Variants in BIRC6 observed in about 807,000 individuals in gnomAD.
The protein encoded by BIRC6 is baculoviral IAP repeat containing 6, also known as dual E2 ubiquitin-conjugating enzyme/E3 ubiquitin-protein ligase BIRC6.
Under a neutral mutation model 503.3 loss-of-function variants are expected in BIRC6, and 98 were observed. That is an observed-to-expected ratio of 0.19 (90% CI 0.17 to 0.23). The LOEUF is 0.23. BIRC6 is among the 10% of genes least tolerant of loss of function. BIRC6 has a pLI of 1.00. For synonymous variants in BIRC6, 2,240 were observed against 2,078.7 expected (o/e 1.08, Z -2.11); for missense variants, 5,360 against 5,806.0 (o/e 0.92, Z 2.50).
intron 39 of BIRC6, among the ~76,000 whole-genome samples, chr2:32,485,253 C>T (rs1243970046): frequency 6.6e-6 from 1 of 152,166 alleles, no homozygotes; most frequent in Non-Finnish European, 1.5e-5. Context: ...ATCTGTCTAT[C>T]TATTCTGAAT....
At chr2:32,542,334 G>T (rs2057724455) in intron 61 of BIRC6, among the ~76,000 whole-genome samples, 1 of 152,046 alleles carries the variant, frequency 6.6e-6, no homozygotes, top group African/African-American at 2.4e-5. Context: ...GTTTTGCTGT[G>T]CTAGAAAGCA....
intron 65 of BIRC6, among the ~76,000 whole-genome samples, chr2:32,574,134 A>AT (rs1198030796): frequency 1.4e-5 from 2 of 144,072 alleles, no homozygotes; most frequent in South Asian, 2.2e-4. Context: ...ACCCCCACAT[A>AT]TTTGAGAATC....
intron 10 of BIRC6, among the ~76,000 whole-genome samples, chr2:32,424,710 G>A (rs176415): frequency 0.34 from 51,212 of 151,702 alleles, 9,095 homozygotes; most frequent in East Asian, 0.65. Flanking sequence ...ACACTATTTC[G>A]CCATGTTGAC....
At chr2:32,379,178 C>G (rs546001262) in intron 2 of BIRC6, 2 of 152,222 alleles carry the variant, frequency 1.3e-5, no homozygotes, top group East Asian at 3.9e-4. Flanking sequence ...TTTTTCTCAT[C>G]AGAGTATTTG....
At chr2:32,545,898 C>T (rs756696855) in intron 63 of BIRC6, 38 bp downstream of exon 63, 6 of 1,559,952 alleles carry the variant, frequency 3.8e-6, no homozygotes, top group Non-Finnish European at 4.4e-6. Flanking sequence ...ATTAAAAAAA[C>T]TAGATTTAAT....
At chr2:32,395,037 AGCCACTCG>A (rs1181139178) in intron 5 of BIRC6, among the ~76,000 whole-genome samples, 1 of 152,158 alleles carries the variant, frequency 6.6e-6, no homozygotes, top group African/African-American at 2.4e-5. Context: ...CTGTAGTCCC[AGCCACTCG>A]GGAGGCTGAG....
chr2:32,575,314 A>T lies in BIRC6; in HGVS notation c.13303A>T (p.Thr4435Ser), dbSNP rs772991369. 1.7e-5 allele frequency: 28 copies of T among 1,613,838 alleles called. No individual in the cohort carries two copies. The highest frequency in any genetic ancestry group is 1.5e-4 in the Admixed American group (9 of 60,000). The part of the protein sequence containing the change: ...EQSECQTSVG[T>S]LLAKMKTCVD... ...GTCAGAATGTCAAACTTCTGTTGGT[A>T]CATTGTTAGCCAAAATGAAGACCTG... The change falls in exon 66 of 74, where the codon ACA becomes TCA. Residue 4435 changes from threonine (T) to serine (S), a missense_variant. Transcript: ENST00000421745.
chr2:32,417,850 G>A (rs529985295), intron 10 of BIRC6, among the ~76,000 whole-genome samples: 1 of 152,250 alleles, frequency 6.6e-6, no homozygotes, highest in East Asian at 1.9e-4. Flanking sequence ...CGCAATCTTG[G>A]CTCACTGCAA....
At position 32,430,923 on chromosome 2, in the gene BIRC6, G is replaced by A. The variant is rs2044032372; in HGVS notation, c.3081G>A (p.Glu1027=). 6.2e-7 allele frequency: 1 copy of A among 1,610,838 alleles called. No homozygotes were observed. The highest frequency in any genetic ancestry group is 1.3e-5 in the African/African-American group (1 of 74,268). Reference sequence around the variant, plus strand: ...TTGAAATCTTGACATCCCTAGTGGAGCTAACCCGCTTTGAGACTTTGACTC... The same window carrying A: ...TTGAAATCTTGACATCCCTAGTGGAACTAACCCGCTTTGAGACTTTGACTC... ...FTLEILTSLV[E]LTRFETLTPR... Residue 1027 remains glutamate, a synonymous_variant, in exon 12 of 74, where the codon GAG becomes GAA. Coordinates refer to ENST00000421745, the MANE Select transcript of BIRC6 (RefSeq NM_016252.4).
At chr2:32,358,049 TGGGGTGGGTCGTGGTG>T (rs1388236343) in intron 1 of BIRC6, among the ~76,000 whole-genome samples, 1 of 6,816 alleles carries the variant, frequency 1.5e-4, no homozygotes, top group East Asian at 6.0e-3. Context: ...GGGGTGGGGG[TGGGGTGGGTCGTGGTG>T]GGGGTGGGGA....
chr2:32,554,453 G>C (rs1237544453), intron 65 of BIRC6, among the ~76,000 whole-genome samples: 1 of 152,098 alleles, frequency 6.6e-6, no homozygotes, highest in African/African-American at 2.4e-5. Context: ...AAGTTGAAAA[G>C]CAAGATATAA....
At chr2:32,597,043 G>A (rs895114026) in intron 68 of BIRC6, among the ~76,000 whole-genome samples, 14 of 152,108 alleles carry the variant, frequency 9.2e-5, no homozygotes, top group African/African-American at 3.4e-4. Context: ...CTCCCCATTG[G>A]CTTTCAAAAT....
rs749750647 is a variant in BIRC6, at chr2:32,575,151, T to G, written c.13145-5T>G. 1.2e-6 allele frequency: 2 copies of G among 1,613,826 alleles called. No homozygotes were observed. The highest frequency in any genetic ancestry group is 1.7e-5 in the Admixed American group (1 of 60,000). ...ATTTTGTGCTTTTTCTTCTTCTCCTTATAGTTCTGGACATGGCAAGACATG... is the reference window on the plus strand; with the variant it reads ...ATTTTGTGCTTTTTCTTCTTCTCCTGATAGTTCTGGACATGGCAAGACATG... On this transcript the variant is annotated splice_polypyrimidine_tract_variant and splice_region_variant and intron_variant, in intron 65 of 73. Coordinates refer to ENST00000421745, the MANE Select transcript of BIRC6 (RefSeq NM_016252.4).
chr2:32,494,473 G>C (rs1393080613), intron 45 of BIRC6, among the ~76,000 whole-genome samples: 1 of 151,832 alleles, frequency 6.6e-6, no homozygotes, highest in Admixed American at 6.6e-5. Context: ...TGATCCGCCC[G>C]CCTCAGCCTC....
At chr2:32,359,627 G>T (rs2033728215) in intron 1 of BIRC6, among the ~76,000 whole-genome samples, 1 of 152,110 alleles carries the variant, frequency 6.6e-6, no homozygotes, top group African/African-American at 2.4e-5. Flanking sequence ...ATGTAGAAGG[G>T]TTTATAGTGA....
intron 32 of BIRC6, 70 bp from the exon 33 acceptor site, chr2:32,473,042 T>C: frequency 7.4e-7 from 1 of 1,359,038 alleles, no homozygotes; most frequent in Non-Finnish European, 1.0e-6. Context: ...TTTTTTGTTT[T>C]CTGGGTAGGA....
chr2:32,461,558 G>T (rs1266101907), intron 23 of BIRC6, among the ~76,000 whole-genome samples: 3 of 151,542 alleles, frequency 2.0e-5, no homozygotes, highest in Admixed American at 6.6e-5. Flanking sequence ...CTAAATGAAG[G>T]GCACAGTATG....
intron 2 of BIRC6, among the ~76,000 whole-genome samples, 157 bp downstream of exon 2, chr2:32,377,926 C>T (rs528436423): frequency 6.6e-6 from 1 of 152,198 alleles, no homozygotes; most frequent in East Asian, 1.9e-4. Context: ...AATATTAATA[C>T]TCACCTTTTC....
chr2:32,497,734 A>G (rs746443750), intron 45 of BIRC6, among the ~76,000 whole-genome samples: 1 of 152,092 alleles, frequency 6.6e-6, no homozygotes, highest in South Asian at 2.1e-4. Context: ...AAGTTCATCA[A>G]TATTATTTCA....
Sources: allele counts gnomAD v4.1 joint callset (sites outside exome capture counted in the v4.1 genomes callset), GRCh38; gene constraint gnomAD v4.1.1; transcripts MANE v1.5; gene names NCBI Gene and HGNC (gene_info 2026-07-23, HGNC 2026-07-21).